FAM227B: variants seen among roughly 807,000 people sequenced by gnomAD.
FAM227B encodes the protein family with sequence similarity 227 member B.
A neutral mutation model predicts 73.8 loss-of-function variants in FAM227B; 88 were observed. The observed-to-expected ratio is 1.19, with a 90% CI of 1.00 to 1.42. FAM227B has a LOEUF of 1.42. Ranked by LOEUF, FAM227B falls within the 40% of genes most tolerant of loss-of-function variation. The pLI, the probability that FAM227B is intolerant of heterozygous loss-of-function variation, is 0.00. For synonymous variants in FAM227B, 210 were observed against 190.5 expected, an observed-to-expected ratio of 1.10 and a Z score of -0.84; for missense variants, 632 against 590.9, an observed-to-expected ratio of 1.07 and a Z score of -0.72.
At chr15:49,361,231 C>T (rs550677120) in intron 13 of FAM227B, among the ~76,000 whole-genome samples, 59 of 151,930 alleles carry the variant, frequency 3.9e-4, no homozygotes, top group African/African-American at 1.2e-3. Context: ...AAAATATTAC[C>T]TATGATGCAA....
rs1283187005 is a variant in FAM227B, at chr15:49,396,322, C to G, written c.1013-24923G>C. ...AAAGCGGCGCACCACGAGATTATAT[C>G]CCACACCTGGCTCGGAGGGTCCTAC... On this transcript the variant is annotated intron_variant, in intron 11 of 15. Transcript: ENST00000299338. 1.3e-5 allele frequency: 5 copies of G among 383,396 alleles called. No homozygotes were observed. The Admixed American group carries it at 1.3e-4, about 10-fold the overall frequency. 23.7% of individuals were successfully genotyped at this position (383,396 alleles called of 1,614,324 possible).
chr15:49,609,777 C>T (rs1049578737), intron 3 of FAM227B, among the ~76,000 whole-genome samples: 2 of 151,852 alleles, frequency 1.3e-5, no homozygotes, highest in African/African-American at 4.8e-5. Context: ...AATGTATAAA[C>T]ATAGTCAAAC....
chr15:49,544,890 G>T (rs1351277823), intron 9 of FAM227B, among the ~76,000 whole-genome samples: 1 of 152,120 alleles, frequency 6.6e-6, no homozygotes, highest in African/African-American at 2.4e-5. Flanking sequence ...TTGATATGCT[G>T]TTGGAATTGG....
chr15:49,483,249 G>A, intron 11 of FAM227B: 6 of 1,524,988 alleles, frequency 3.9e-6, no homozygotes, highest in Non-Finnish European at 5.4e-6. Flanking sequence ...AAAACTCTAT[G>A]CAAAGGTATT....
At chr15:49,549,244 A>T (rs2072424942) in intron 9 of FAM227B, among the ~76,000 whole-genome samples, 2 of 152,030 alleles carry the variant, frequency 1.3e-5, no homozygotes, top group Non-Finnish European at 2.9e-5. Flanking sequence ...ATTCTTTCTT[A>T]ATTTCTTCAT....
At chr15:49,441,273 C>T (rs2051614345) in intron 11 of FAM227B, among the ~76,000 whole-genome samples, 1 of 151,742 alleles carries the variant, frequency 6.6e-6, no homozygotes, top group African/African-American at 2.4e-5. Context: ...ACACTCAATT[C>T]ATACTTATTT....
chr15:49,595,701 A>G (rs1013719207), intron 3 of FAM227B, among the ~76,000 whole-genome samples: 2 of 151,938 alleles, frequency 1.3e-5, no homozygotes, highest in African/African-American at 4.8e-5. Flanking sequence ...GAAAACAAAC[A>G]TGAGGGAATT....
In FAM227B at chr15:49,354,771, TC is replaced by T. The variant is rs1260784517; in HGVS notation, c.1271+12676del. ...AGGAGGCCTGCCTGCCTCTGTAGGC[TC>T]CACCTCTGGGGGCAGGGCACAGACA... On this transcript the variant is annotated intron_variant, in intron 13 of 15. Transcript: ENST00000299338. Among the ~76,000 whole-genome samples the T allele has an allele frequency of 4.1e-3, 627 of 152,124 alleles. 7 individuals carry two copies. The highest frequency in any genetic ancestry group is 0.014 in the African/African-American group (598 of 41,492).
At chr15:49,441,251 T>G (rs1006303781) in intron 11 of FAM227B, among the ~76,000 whole-genome samples, 2 of 151,620 alleles carry the variant, frequency 1.3e-5, no homozygotes, top group African/African-American at 4.8e-5. Flanking sequence ...ACAACTTAGA[T>G]TTTCAAATTA....
chr15:49,355,246 C>T lies in FAM227B; in HGVS notation c.1271+12202G>A, dbSNP rs1391283866. ...AGGAACAAAGCTGGATGGAGAATGACTTTGAAGAGCTCAGAGAAGAAGGCT... is the reference window on the plus strand; with the variant it reads ...AGGAACAAAGCTGGATGGAGAATGATTTTGAAGAGCTCAGAGAAGAAGGCT... On this transcript the variant is annotated intron_variant, in intron 13 of 15. Coordinates refer to ENST00000299338, the MANE Select transcript of FAM227B (RefSeq NM_152647.3). Among the ~76,000 whole-genome samples, 3 of 152,352 alleles carry T rather than the reference C, an allele frequency of 2.0e-5. No individual in the cohort carries two copies. In the East Asian group the frequency reaches 5.8e-4, roughly 29 times the overall value.
chr15:49,591,484 C>CTTTTTTT (rs71120696), intron 3 of FAM227B, among the ~76,000 whole-genome samples: 2 of 55,348 alleles, frequency 3.6e-5, no homozygotes, highest in Non-Finnish European at 6.8e-5. Flanking sequence ...CCCTTCCTTC[C>CTTTTTTT]TTTTTTTTTT....
At chr15:49,530,161 TA>T (rs1216834490) in intron 10 of FAM227B, among the ~76,000 whole-genome samples, 6 of 151,812 alleles carry the variant, frequency 4.0e-5, no homozygotes, top group Admixed American at 2.6e-4. Context: ...AATTGATTCC[TA>T]TTACGTATTT....
intron 11 of FAM227B, among the ~76,000 whole-genome samples, chr15:49,388,863 A>AT (rs1475009932): frequency 6.6e-6 from 1 of 151,946 alleles, no homozygotes; most frequent in African/African-American, 2.4e-5. Context: ...AGATATACAA[A>AT]TGGTCAATAA....
intron 14 of FAM227B, among the ~76,000 whole-genome samples, chr15:49,334,031 G>A (rs2039274155): frequency 6.6e-6 from 1 of 152,194 alleles, no homozygotes; most frequent in Non-Finnish European, 1.5e-5. Context: ...TGGCTGGAGA[G>A]TAAAAATAGA....
chr15:49,355,190 C>G (rs2042929537), intron 13 of FAM227B, among the ~76,000 whole-genome samples: 1 of 152,124 alleles, frequency 6.6e-6, no homozygotes, highest in African/African-American at 2.4e-5. Context: ...CGCCTCTCCT[C>G]CTCCAAAGGA....
chr15:49,333,235 G>A (rs2039117105), intron 14 of FAM227B, among the ~76,000 whole-genome samples: 1 of 152,146 alleles, frequency 6.6e-6, no homozygotes, highest in South Asian at 2.1e-4. Flanking sequence ...CATTCATGAA[G>A]TTTTATAACA....
At chr15:49,487,091 T>A (rs2056458180) in intron 11 of FAM227B, 1 of 151,932 alleles carries the variant, frequency 6.6e-6, no homozygotes. Context: ...GCCTTTACAT[T>A]TGTACACAAA....
At chr15:49,395,409 G>A (rs139860846) in intron 11 of FAM227B, among the ~76,000 whole-genome samples, 17 of 152,262 alleles carry the variant, frequency 1.1e-4, no homozygotes, top group African/African-American at 4.1e-4. Context: ...GGAAACAACG[G>A]GCAAGGGAGA....
intron 9 of FAM227B, among the ~76,000 whole-genome samples, chr15:49,564,012 T>G (rs1598267816): frequency 6.6e-6 from 1 of 152,136 alleles, no homozygotes; most frequent in South Asian, 2.1e-4. Flanking sequence ...CTAAAAAGCT[T>G]CTGCACAACA....
Sources: allele counts gnomAD v4.1 joint callset (sites outside exome capture counted in the v4.1 genomes callset), GRCh38; gene constraint gnomAD v4.1.1; transcripts MANE v1.5; gene names NCBI Gene and HGNC (gene_info 2026-07-23, HGNC 2026-07-21).